Variants in ZNF536 observed in about 807,000 individuals in gnomAD.
ZNF536 encodes the protein zinc finger protein 536.
Under a neutral mutation model 84.5 loss-of-function variants are expected in ZNF536, and 13 were observed. The observed-to-expected ratio is 0.15, with a 90% CI of 0.10 to 0.24. The LOEUF (loss-of-function observed/expected upper bound fraction) is 0.24, where lower values mean the gene tolerates loss of function less well. Ranked by LOEUF, ZNF536 falls within the 10% of genes least tolerant of loss-of-function variation. The pLI is 1.00. For missense variants in ZNF536, 1,536 were observed against 1,747.5 expected, an observed-to-expected ratio of 0.88 and a Z score of 2.16; for synonymous variants, 811 against 742.5, an observed-to-expected ratio of 1.09 and a Z score of -1.50.
intron 1 of ZNF536, among the ~76,000 whole-genome samples, chr19:30,410,575 C>A (rs1344425262): frequency 6.8e-6 from 1 of 147,600 alleles, no homozygotes; most frequent in African/African-American, 2.6e-5. Context: ...CCCGGGTTCA[C>A]GCCATTCTCC....
At chr19:30,322,483 C>A (rs190517193) in intron 2 of ZNF536, among the ~76,000 whole-genome samples, 2 of 152,250 alleles carry the variant, frequency 1.3e-5, no homozygotes, top group East Asian at 3.9e-4. Context: ...TCCTGTCGCC[C>A]TAAGGACTCT....
intron 1 of ZNF536, among the ~76,000 whole-genome samples, chr19:30,373,806 G>A (rs1189486240): frequency 6.7e-6 from 1 of 150,126 alleles, no homozygotes; most frequent in Admixed American, 6.6e-5. Context: ...AGATGCCGAG[G>A]AAAGATGTGC....
At position 30,444,129 on chromosome 19, in the gene ZNF536, T is replaced by A. The variant is rs1322286759; in HGVS notation, c.567T>A (p.Arg189=). 8.1e-6 allele frequency: 13 copies of A among 1,609,446 alleles called. No homozygotes were observed. Among genetic ancestry groups the A allele is most frequent in the Middle Eastern group, 3.3e-4 (2 of 6,066 alleles). ...THKLGNLGKG[R]GRVREENRLL... ...AGCTGGGCAACCTGGGCAAGGGGCG[T>A]GGGCGTGTGCGCGAGGAGAACCGCC... is the stretch of plus-strand genomic sequence containing the variant. The change falls in exon 2 of 5, where the codon CGT becomes CGA. Residue 189 remains arginine (R), a synonymous_variant. Coordinates refer to ENST00000355537, the MANE Select transcript of ZNF536 (RefSeq NM_014717.3).
chr19:30,282,793 A>T (rs1470562260), intron 1 of ZNF536, among the ~76,000 whole-genome samples: 1 of 152,308 alleles, frequency 6.6e-6, no homozygotes, highest in East Asian at 1.9e-4. Flanking sequence ...AAAAAAATGC[A>T]AAAGATCATC....
At chr19:30,374,075 A>G (rs1264899774) in intron 1 of ZNF536, among the ~76,000 whole-genome samples, 1 of 152,240 alleles carries the variant, frequency 6.6e-6, no homozygotes, top group Non-Finnish European at 1.5e-5. Context: ...TAATGGTGAT[A>G]TAGGTATGGG....
intron 1 of ZNF536, among the ~76,000 whole-genome samples, chr19:30,393,792 C>T (rs1055075351): frequency 7.9e-5 from 12 of 152,246 alleles, no homozygotes; most frequent in East Asian, 3.9e-4. Flanking sequence ...ATTGAGGCGA[C>T]GCCACAGAGG....
At chr19:30,707,305 C>G (rs1358780665) in intron 1 of ZNF536, among the ~76,000 whole-genome samples, 2 of 152,184 alleles carry the variant, frequency 1.3e-5, no homozygotes, top group Non-Finnish European at 2.9e-5. Context: ...TATGCCCTAA[C>G]TCCCAGGTCA....
intron 1 of ZNF536, among the ~76,000 whole-genome samples, chr19:30,279,810 C>T (rs1309065427): frequency 6.6e-6 from 1 of 152,220 alleles, no homozygotes; most frequent in Non-Finnish European, 1.5e-5. Context: ...CCCTCTGGAG[C>T]TCTAAACCAT....
intron 2 of ZNF536, among the ~76,000 whole-genome samples, chr19:30,300,882 C>T (rs1026648973): frequency 1.3e-5 from 2 of 151,812 alleles, no homozygotes; most frequent in East Asian, 1.9e-4. Context: ...TCTGGAGGTT[C>T]GAGTCCTAGC....
intron 2 of ZNF536, among the ~76,000 whole-genome samples, chr19:30,331,099 T>C (rs113830212): frequency 0.014 from 2,170 of 151,618 alleles, 21 homozygotes; most frequent in Non-Finnish European, 0.023. Context: ...CTGGGCAACA[T>C]AGCAAAACCT....
chr19:30,629,524 G>A (rs945279679), intron 1 of ZNF536, among the ~76,000 whole-genome samples: 5 of 152,188 alleles, frequency 3.3e-5, no homozygotes, highest in Non-Finnish European at 5.9e-5. Flanking sequence ...TTCTTGCAAC[G>A]GTGCAACGAA....
intron 2 of ZNF536, among the ~76,000 whole-genome samples, chr19:30,322,418 C>T (rs1341562117): frequency 6.6e-6 from 1 of 152,144 alleles, no homozygotes; most frequent in Non-Finnish European, 1.5e-5. Context: ...CAGAGGACTC[C>T]ACTGTGCTTG....
intron 1 of ZNF536, among the ~76,000 whole-genome samples, chr19:30,710,170 T>A (rs1461358296): frequency 2.0e-5 from 3 of 152,204 alleles, no homozygotes; most frequent in African/African-American, 7.2e-5. Context: ...TCTGGGACTA[T>A]TTATTATTTA....
chr19:30,377,764 G>A (rs1197534905), intron 1 of ZNF536, among the ~76,000 whole-genome samples: 1 of 152,120 alleles, frequency 6.6e-6, no homozygotes, highest in African/African-American at 2.4e-5. Flanking sequence ...CCCAAATCTG[G>A]GTCTGTTGAG....
At chr19:30,653,688 G>A (rs140548171) in intron 1 of ZNF536, among the ~76,000 whole-genome samples, 12 of 146,284 alleles carry the variant, frequency 8.2e-5, no homozygotes, top group African/African-American at 2.5e-4. Context: ...GGTGGGAGCC[G>A]CTCCCTTAGG....
intron 2 of ZNF536, among the ~76,000 whole-genome samples, chr19:30,526,041 C>A (rs2044561141): frequency 6.6e-6 from 1 of 152,228 alleles, no homozygotes; most frequent in Non-Finnish European, 1.5e-5. Flanking sequence ...CTGCCTGGGT[C>A]TTCTCACCAA....
intron 4 of ZNF536, 106 bp from the exon 5 acceptor site, chr19:30,557,051 A>G (rs2045991292): frequency 4.0e-6 from 5 of 1,237,308 alleles, no homozygotes; most frequent in Non-Finnish European, 5.8e-6. Context: ...CTTTATTGTC[A>G]TTATTCCATT....
chr19:30,599,256 CCTCCCTTTCCCCCATCCTTGT>C (rs2047589740), intron 1 of ZNF536, among the ~76,000 whole-genome samples: 4 of 92,496 alleles, frequency 4.3e-5, no homozygotes, highest in Non-Finnish European at 6.2e-5. Context: ...CATCTCCTTT[CCTCCCTTTCCCCCATCCTTGT>C]CTCTCTCCTT....
At chr19:30,270,525 T>C (rs919988199) in intron 1 of ZNF536, among the ~76,000 whole-genome samples, 1 of 152,172 alleles carries the variant, frequency 6.6e-6, no homozygotes, top group African/African-American at 2.4e-5. Flanking sequence ...AGAAGTAAAA[T>C]GTAGCTCAAG....
Sources: gnomAD v4.1 joint callset for allele counts (sites outside exome capture counted in the v4.1 genomes callset) on GRCh38, gnomAD v4.1.1 for gene constraint, MANE v1.5 for transcripts, NCBI Gene and HGNC (gene_info 2026-07-23, HGNC 2026-07-21) for gene names.